The following USF3 variants were observed in gnomAD, a reference collection of about 807,000 sequenced individuals.
USF3 encodes the protein basic helix-loop-helix domain-containing protein USF3.
Under a neutral mutation model 157.5 loss-of-function variants are expected in USF3, and 29 were observed. The observed-to-expected ratio is 0.18, with a 90% CI of 0.14 to 0.25. USF3 has a LOEUF of 0.25. Ranked by LOEUF, USF3 falls within the 10% of genes least tolerant of loss-of-function variation. The pLI, the probability that USF3 is intolerant of heterozygous loss-of-function variation, is 1.00. For synonymous variants in USF3, 893 were observed against 941.4 expected (o/e 0.95, Z 0.94); for missense variants, 2,381 against 2,667.6 (o/e 0.89, Z 2.37).
At position 113,656,536 on chromosome 3, in the gene USF3, T is replaced by C. The variant is rs1947363269; in HGVS notation, c.5146A>G (p.Asn1716Asp). Reference sequence around the variant, plus strand: ...GTATGGTCCACACGACCCTGCATATTATGAATAGCCAAACTCTTATTTCTG... The same window carrying C: ...GTATGGTCCACACGACCCTGCATATCATGAATAGCCAAACTCTTATTTCTG... ...VPRNKSLAIH[N>D]MQGRVDHTVA... Residue 1716 changes from asparagine (N) to aspartate (D), a missense_variant, in exon 7 of 7, where the codon AAT (asparagine) becomes GAT (aspartate). By Grantham distance (23) the Asn-to-Asp change is conservative (BLOSUM62 1). Transcript: ENST00000316407. 6.2e-7 allele frequency: 1 copy of C among 1,614,114 alleles called. No individual in the cohort carries two copies. The highest frequency in any genetic ancestry group is 8.5e-7 in the Non-Finnish European group (1 of 1,180,042).
chr3:113,663,456 AG>A (rs961508759), intron 6 of USF3, among the ~76,000 whole-genome samples: 3 of 152,170 alleles, frequency 2.0e-5, no homozygotes, highest in Non-Finnish European at 2.9e-5. Context: ...AAACTAGGTG[AG>A]GGGGGGAAGC....
At chr3:113,662,631 C>T (rs150471607) in intron 6 of USF3, among the ~76,000 whole-genome samples, 1 of 152,116 alleles carries the variant, frequency 6.6e-6, no homozygotes, top group Non-Finnish European at 1.5e-5. Context: ...AATTAAAGAA[C>T]AATCATTATG....
rs1366728588 is a variant in USF3, at chr3:113,655,794, T to C, written c.5888A>G (p.Gln1963Arg). 6.2e-7 allele frequency: 1 copy of C among 1,614,154 alleles called. No individual in the cohort carries two copies. Among genetic ancestry groups the C allele is most frequent in the Non-Finnish European group, 8.5e-7 (1 of 1,180,018 alleles). Residue 1963 changes from glutamine (Q) to arginine (R), a missense_variant, in exon 7 of 7, where the codon CAA (glutamine) becomes CGA (arginine). Gln to Arg is a conservative substitution (Grantham distance 43). Coordinates refer to ENST00000316407, the MANE Select transcript of USF3 (RefSeq NM_001009899.4). The part of the protein sequence containing the change: ...HPSVSHGNGD[Q>R]GPAVRQANSS... ...ATTAGCTTGACGTACAGCAGGGCCT[T>C]GATCGCCATTTCCATGAGACACAGA...
chr3:113,657,783 A>T lies in USF3; in HGVS notation c.3899T>A (p.Leu1300Gln). ...SLMTEYSQEQ[L>Q]NTMTSTIPNS... The stretch of plus-strand genomic sequence containing the variant: ...TGGTATGGTACTAGTCATAGTATTT[A>T]GCTGTTCTTGGGAATATTCAGTCAT... Residue 1300 changes from leucine to glutamine, a missense_variant, in exon 7 of 7, where the codon CTA becomes CAA. Transcript: ENST00000316407. 6.2e-7 allele frequency: 1 copy of T among 1,614,108 alleles called. No individual in the cohort carries two copies. Among genetic ancestry groups the T allele is most frequent in the South Asian group, 1.1e-5 (1 of 91,078 alleles).
chr3:113,673,709 G>A (rs377467085), intron 3 of USF3, among the ~76,000 whole-genome samples: 2 of 152,214 alleles, frequency 1.3e-5, no homozygotes, highest in Admixed American at 6.5e-5. Flanking sequence ...GTAAATTCAC[G>A]AAGTGATGTG....
Position 113,658,157 on chromosome 3 carries a change from G to A in USF3, c.3525C>T (p.Pro1175=). Residue 1175 remains proline, a synonymous_variant, in exon 7 of 7, where the codon CCC becomes CCT. Transcript: ENST00000316407. ...TCTCTTTAGGTATCTGTGATTTGAAGGGTGGGTCTCCCTCTAACAATGATG... is the reference window on the plus strand; with the variant it reads ...TCTCTTTAGGTATCTGTGATTTGAAAGGTGGGTCTCCCTCTAACAATGATG... ...SEASLLEGDP[P]FKSQIPKESG... is the part of the protein sequence containing the mutation. The A allele has an allele frequency of 6.2e-7, 1 of 1,614,108 alleles. No individual in the cohort carries two copies. Among genetic ancestry groups the A allele is most frequent in the African/African-American group, 1.3e-5 (1 of 75,022 alleles).
chr3:113,664,065 T>A (rs376441059), intron 6 of USF3, among the ~76,000 whole-genome samples: 9 of 152,266 alleles, frequency 5.9e-5, no homozygotes, highest in African/African-American at 2.2e-4. Flanking sequence ...TAGGCAAACA[T>A]GAAATACACA....
intron 5 of USF3, among the ~76,000 whole-genome samples, chr3:113,665,593 G>A (rs1402571975): frequency 6.6e-6 from 1 of 152,158 alleles, no homozygotes; most frequent in African/African-American, 2.4e-5. Flanking sequence ...TTGGGAGGCC[G>A]AGGCGGGCAG....
At chr3:113,682,180 C>A (rs1707447985) in intron 1 of USF3, among the ~76,000 whole-genome samples, 1 of 152,136 alleles carries the variant, frequency 6.6e-6, no homozygotes, top group South Asian at 2.1e-4. Flanking sequence ...AAAAAATTAT[C>A]CAGATAAGGT....
intron 1 of USF3, among the ~76,000 whole-genome samples, chr3:113,689,011 A>G (rs928387816): frequency 1.3e-5 from 2 of 149,248 alleles, no homozygotes; most frequent in Non-Finnish European, 3.0e-5. Flanking sequence ...AGCCTGGGCA[A>G]CAGAGGGAGA....
Position 113,652,916 on chromosome 3 carries a change from C to T in USF3, c.*2028G>A. The T allele has an allele frequency of 1.9e-6, 1 of 535,436 alleles. No individual in the cohort carries two copies. The highest frequency in any genetic ancestry group is 3.5e-5 in the Admixed American group (1 of 28,578). 33.2% of individuals were successfully genotyped at this position (535,436 alleles called of 1,614,324 possible). On this transcript the variant is annotated 3_prime_UTR_variant, in exon 7 of 7. Coordinates refer to ENST00000316407, the MANE Select transcript of USF3 (RefSeq NM_001009899.4). The stretch of plus-strand genomic sequence containing the variant: ...AGGCTGCAGTGAGCCAAGATCCTGC[C>T]ATTGTAGACTCCAGCCTGGGTGACA...
At chr3:113,690,234 T>C (rs1191980364) in intron 1 of USF3, among the ~76,000 whole-genome samples, 1 of 152,236 alleles carries the variant, frequency 6.6e-6, no homozygotes, top group Non-Finnish European at 1.5e-5. Flanking sequence ...ATTGTTTTCA[T>C]AATGTTCATC....
At position 113,651,487 on chromosome 3, in the gene USF3, T is replaced by C. The variant is rs1382156070; in HGVS notation, c.*3457A>G. 1 of 152,216 alleles carries C rather than the reference T, an allele frequency of 6.6e-6. No individual in the cohort carries two copies. Among genetic ancestry groups the C allele is most frequent in the East Asian group, 1.9e-4 (1 of 5,200 alleles). 9.4% of individuals were successfully genotyped at this position (152,216 alleles called of 1,614,324 possible). A position where few individuals can be genotyped will look rare whatever the true frequency, so the allele number is the denominator to read the frequency against. On this transcript the variant is annotated 3_prime_UTR_variant, in exon 7 of 7. Transcript: ENST00000316407. ...AAAAGACCAGCTTCCCTGAGCCCTA[T>C]TTCACATGGAGCAGGCCAAGAATAA...
intron 5 of USF3, among the ~76,000 whole-genome samples, chr3:113,669,915 G>A (rs1707109853): frequency 6.6e-6 from 1 of 152,174 alleles, no homozygotes; most frequent in South Asian, 2.1e-4. Flanking sequence ...GAAGAGTCTA[G>A]AAATTATATG....
Position 113,649,869 on chromosome 3 carries a change from A to T in USF3, c.*5075T>A, listed in dbSNP as rs1947231315. 1 of 702,744 alleles carries T rather than the reference A, an allele frequency of 1.4e-6. No homozygotes were observed. Among genetic ancestry groups the T allele is most frequent in the Admixed American group, 2.0e-5 (1 of 49,994 alleles). 43.5% of individuals were successfully genotyped at this position (702,744 alleles called of 1,614,324 possible). The stretch of plus-strand genomic sequence containing the variant: ...TAGAAACCTACGCATGAAGAATAGA[A>T]TGCAGACAGAATATAGTTAAATCCA... On this transcript the variant is annotated 3_prime_UTR_variant, in exon 7 of 7. Coordinates refer to ENST00000316407, the MANE Select transcript of USF3 (RefSeq NM_001009899.4).
At chr3:113,683,836 GTTA>G (rs1396206545) in intron 1 of USF3, among the ~76,000 whole-genome samples, 2 of 152,136 alleles carry the variant, frequency 1.3e-5, no homozygotes, top group African/African-American at 4.8e-5. Context: ...AAATGTTGTA[GTTA>G]TTATTTTTGA....
At chr3:113,665,912 C>T (rs1356210826) in intron 5 of USF3, among the ~76,000 whole-genome samples, 2 of 151,960 alleles carry the variant, frequency 1.3e-5, no homozygotes, top group African/African-American at 4.8e-5. Flanking sequence ...CGGCCGGGTA[C>T]GGTGGCTCAT....
In USF3 at chr3:113,660,002, G is replaced by A. The variant is rs748696531; in HGVS notation, c.1680C>T (p.Thr560=). Residue 560 remains threonine, a synonymous_variant, in exon 7 of 7, where the codon ACC becomes ACT. Coordinates refer to ENST00000316407, the MANE Select transcript of USF3 (RefSeq NM_001009899.4). The part of the protein sequence containing the change: ...QNVIILQPPS[T]TPCPTVMRAE... ...CCCTCATCACTGTTGGGCATGGGGTGGTGCTAGGTGGCTGAAGAATTATAA... is the reference window on the plus strand; with the variant it reads ...CCCTCATCACTGTTGGGCATGGGGTAGTGCTAGGTGGCTGAAGAATTATAA... 3 of 1,614,178 alleles carry A rather than the reference G, an allele frequency of 1.9e-6. No individual in the cohort carries two copies. Among genetic ancestry groups the A allele is most frequent in the South Asian group, 1.1e-5 (1 of 91,084 alleles).
At position 113,655,574 on chromosome 3, in the gene USF3, A is replaced by G. The variant is rs1247372954; in HGVS notation, c.6108T>C (p.Ser2036=). 1.9e-6 allele frequency: 3 copies of G among 1,614,176 alleles called. No homozygotes were observed. The highest frequency in any genetic ancestry group is 1.7e-6 in the Non-Finnish European group (2 of 1,180,018). ...RQQPATEKRG[S]IVRFMPDSPQ... ...GGCTATCAGGCATGAAACGAACAAT[A>G]CTTCCTCTCTTCTCTGTGGCAGGTT... Residue 2036 remains serine (S), a synonymous_variant, in exon 7 of 7, where the codon AGT becomes AGC. Transcript: ENST00000316407.
Sources: gnomAD v4.1 joint callset for allele counts (sites outside exome capture counted in the v4.1 genomes callset) on GRCh38, gnomAD v4.1.1 for gene constraint, MANE v1.5 for transcripts, NCBI Gene and HGNC (gene_info 2026-07-23, HGNC 2026-07-21) for gene names.